The following NR5A2 variants were observed in gnomAD, a reference collection of about 807,000 sequenced individuals.
NR5A2 encodes CYP7A promoter-binding factor.
A neutral mutation model predicts 62.7 loss-of-function variants in NR5A2; 26 were observed. The observed-to-expected ratio is 0.41, with a 90% CI of 0.30 to 0.58. The LOEUF (loss-of-function observed/expected upper bound fraction) is 0.58. Among genes scored for constraint, NR5A2 ranks in the 20% least tolerant of loss-of-function variants. NR5A2 has a pLI of 0.22. For synonymous variants in NR5A2, 246 were observed against 241.7 expected (o/e 1.02, Z -0.16); for missense variants, 541 against 669.1 (o/e 0.81, Z 2.11).
intron 7 of NR5A2, among the ~76,000 whole-genome samples, chr1:200,149,193 T>C (rs1227754948): frequency 6.6e-6 from 1 of 152,236 alleles, no homozygotes; most frequent in Non-Finnish European, 1.5e-5. Flanking sequence ...ATTACAGGCA[T>C]GAGCCACCTC....
At chr1:200,166,103 G>A (rs1653887468) in intron 7 of NR5A2, among the ~76,000 whole-genome samples, 1 of 152,148 alleles carries the variant, frequency 6.6e-6, no homozygotes, top group African/African-American at 2.4e-5. Context: ...TTAGCATAAT[G>A]TCTTCAGTGT....
At chr1:200,037,430 T>A (rs1280969749) in intron 1 of NR5A2, among the ~76,000 whole-genome samples, 4 of 152,232 alleles carry the variant, frequency 2.6e-5, no homozygotes, top group Non-Finnish European at 4.4e-5. Flanking sequence ...AAAGGTGCTG[T>A]ATCATAAGTG....
intron 5 of NR5A2, among the ~76,000 whole-genome samples, chr1:200,057,327 T>C (rs977084871): frequency 1.3e-5 from 2 of 152,088 alleles, no homozygotes; most frequent in African/African-American, 4.8e-5. Context: ...GACAGTCCAG[T>C]GATGAGAGCA....
rs1662508242 is a variant in NR5A2, at chr1:200,048,882, T to C, written c.1110+64T>C. The C allele has an allele frequency of 6.5e-7, 1 of 1,549,640 alleles. No individual in the cohort carries two copies. Among genetic ancestry groups the C allele is most frequent in the South Asian group, 1.2e-5 (1 of 85,398 alleles). On this transcript the variant is annotated intron_variant, in intron 5 of 7. Transcript: ENST00000367362. The surrounding 1 kb of genome is among the most constrained non-coding windows in gnomAD (Gnocchi z 4.8). ...AAGAGAGACCTAACTATGTTCCTAA[T>C]TAATACATTCTTGGTGCTGAAAATA...
intron 5 of NR5A2, among the ~76,000 whole-genome samples, chr1:200,081,643 G>C (rs1355326503): frequency 6.6e-6 from 1 of 152,160 alleles, no homozygotes; most frequent in African/African-American, 2.4e-5. Context: ...AATGGAATCT[G>C]CATTGAAAAC....
intron 7 of NR5A2, among the ~76,000 whole-genome samples, chr1:200,123,150 C>G (rs1029378236): frequency 1.3e-5 from 2 of 152,278 alleles, no homozygotes; most frequent in African/African-American, 4.8e-5. Context: ...ATATTTTTGT[C>G]TCAGCCCAGC....
At chr1:200,030,038 G>A (rs185551069) in intron 1 of NR5A2, among the ~76,000 whole-genome samples, 1 of 152,302 alleles carries the variant, frequency 6.6e-6, no homozygotes, top group Non-Finnish European at 1.5e-5. Flanking sequence ...GGCCTGACCC[G>A]ATTCCTGAGG....
At chr1:200,103,097 T>C (rs1182272426) in intron 5 of NR5A2, among the ~76,000 whole-genome samples, 1 of 151,304 alleles carries the variant, frequency 6.6e-6, no homozygotes, top group Non-Finnish European at 1.5e-5. Context: ...TTGTGAAGAT[T>C]AAATGAGTTC....
intron 7 of NR5A2, among the ~76,000 whole-genome samples, chr1:200,165,167 G>A (rs1022002634): frequency 3.3e-5 from 5 of 152,012 alleles, no homozygotes; most frequent in Admixed American, 6.6e-5. Context: ...GTGAACCACC[G>A]TGCCCAGCCC....
At chr1:200,044,698 T>C (rs1265732398) in intron 3 of NR5A2, among the ~76,000 whole-genome samples, 2 of 152,152 alleles carry the variant, frequency 1.3e-5, no homozygotes, top group Non-Finnish European at 2.9e-5. Flanking sequence ...AGAATGTTTC[T>C]CTTTGTGGCA....
intron 5 of NR5A2, among the ~76,000 whole-genome samples, chr1:200,102,883 C>CT (rs1003581903): frequency 2.0e-5 from 3 of 152,010 alleles, no homozygotes; most frequent in Non-Finnish European, 4.4e-5. Context: ...AAGGAGGCGC[C>CT]TTTTAGAATG....
chr1:200,169,762 G>C (rs1654086499), intron 7 of NR5A2, among the ~76,000 whole-genome samples: 1 of 152,168 alleles, frequency 6.6e-6, no homozygotes, highest in South Asian at 2.1e-4. Context: ...AAAGGGTTGG[G>C]GATGCCTCTG....
At chr1:200,137,112 G>A (rs889871426) in intron 7 of NR5A2, among the ~76,000 whole-genome samples, 2 of 151,792 alleles carry the variant, frequency 1.3e-5, no homozygotes, top group African/African-American at 4.8e-5. Flanking sequence ...TGGGATTACA[G>A]GCATGAGCCA....
At chr1:200,088,219 G>T (rs560195576) in intron 5 of NR5A2, among the ~76,000 whole-genome samples, 48 of 145,040 alleles carry the variant, frequency 3.3e-4, no homozygotes, top group Non-Finnish European at 4.8e-4. Flanking sequence ...GTTTTTTTTT[G>T]TTGTTGTTGT....
At position 200,111,152 on chromosome 1, in the gene NR5A2, CAG is replaced by C. The variant is rs1665922131; in HGVS notation, c.1111-49_1111-48del. Reference sequence around the variant, plus strand: ...ACAAAAACAAAAAAGTAGTGAATAACAGTGTCATTTTTTGTTTTTTTTGTTTG... The same window carrying C: ...ACAAAAACAAAAAAGTAGTGAATAACTGTCATTTTTTGTTTTTTTTGTTTG... On this transcript the variant is annotated intron_variant, in intron 5 of 7. Coordinates refer to ENST00000367362, the MANE Select transcript of NR5A2 (RefSeq NM_205860.3). 5 of 1,594,266 alleles carry C rather than the reference CAG, an allele frequency of 3.1e-6. No homozygotes were observed. The South Asian group carries it at 3.4e-5, about 11-fold the overall frequency.
intron 5 of NR5A2, among the ~76,000 whole-genome samples, chr1:200,091,994 C>G (rs551138537): frequency 1.3e-5 from 2 of 152,138 alleles, no homozygotes; most frequent in Non-Finnish European, 2.9e-5. Flanking sequence ...CACAGTCCCC[C>G]GAACTGCTGG....
At position 200,158,134 on chromosome 1, in the gene NR5A2, A is replaced by G. The variant is rs533715797; in HGVS notation, c.1379-15829A>G. Among the ~76,000 whole-genome samples, 405 of 152,366 alleles carry G rather than the reference A, an allele frequency of 2.7e-3. 1 individual carries two copies. The highest frequency in any genetic ancestry group is 4.4e-3 in the Non-Finnish European group (296 of 68,038). ...AACTTGGCAACAAAAAGCTCAATTT[A>G]TATGTACTTAAAGAAATGCAATTTT... On this transcript the variant is annotated intron_variant, in intron 7 of 7. Coordinates refer to ENST00000367362, the MANE Select transcript of NR5A2 (RefSeq NM_205860.3).
intron 6 of NR5A2, among the ~76,000 whole-genome samples, chr1:200,116,157 C>T (rs950649027): frequency 3.9e-5 from 6 of 152,128 alleles, no homozygotes; most frequent in Non-Finnish European, 7.4e-5. Context: ...AGTCCCAACA[C>T]AAAGGGAACA....
chr1:200,144,137 C>G (rs1667564806), intron 7 of NR5A2, among the ~76,000 whole-genome samples: 2 of 151,948 alleles, frequency 1.3e-5, no homozygotes. Flanking sequence ...CATAACTCTT[C>G]TGTTTCCAAA....
Sources: allele counts gnomAD v4.1 joint callset (sites outside exome capture counted in the v4.1 genomes callset), GRCh38; gene constraint gnomAD v4.1.1; non-coding constraint Gnocchi (gnomAD v3.1); transcripts MANE v1.5; gene names NCBI Gene and HGNC (gene_info 2026-07-23, HGNC 2026-07-21).